ZFP14: variants seen among roughly 807,000 people sequenced by gnomAD.
ZFP14 encodes the protein zinc finger protein 14 homolog.
A neutral mutation model predicts 54.5 loss-of-function variants in ZFP14; 22 were observed. The ratio of observed to expected loss-of-function variants is 0.40; its 90% CI spans 0.29 to 0.58. The LOEUF is 0.58. Ranked by LOEUF, ZFP14 falls within the 20% of genes least tolerant of loss-of-function variation. The pLI is 0.39. For synonymous variants in ZFP14, 159 were observed against 204.0 expected, an observed-to-expected ratio of 0.78 and a Z score of 1.88; for missense variants, 470 against 637.8, an observed-to-expected ratio of 0.74 and a Z score of 2.83.
intron 1 of ZFP14, among the ~76,000 whole-genome samples, chr19:36,374,928 A>G (rs1251265484): frequency 2.0e-5 from 3 of 152,036 alleles, no homozygotes; most frequent in African/African-American, 7.2e-5. Context: ...GTAAAAACAG[A>G]TGCTGTTTTT....
At chr19:36,373,015 C>T (rs1403797407) in intron 1 of ZFP14, among the ~76,000 whole-genome samples, 3 of 152,124 alleles carry the variant, frequency 2.0e-5, no homozygotes, top group Non-Finnish European at 2.9e-5. Flanking sequence ...TGGTGGCTCA[C>T]GCCTGTAATC....
chr19:36,360,748 A>T (rs117106296), intron 3 of ZFP14, among the ~76,000 whole-genome samples: 2,335 of 152,308 alleles, frequency 0.015, 26 homozygotes, highest in Non-Finnish European at 0.024. Context: ...TAAGGCCATT[A>T]TATTAACCAT....
chr19:36,359,144 A>C (rs1469271133), intron 4 of ZFP14, among the ~76,000 whole-genome samples: 2 of 152,202 alleles, frequency 1.3e-5, no homozygotes, highest in African/African-American at 4.8e-5. Context: ...ATTCTGTTAT[A>C]AACAACAGAA....
chr19:36,345,504 T>C (rs1600068160), intron 4 of ZFP14, among the ~76,000 whole-genome samples: 1 of 152,290 alleles, frequency 6.6e-6, no homozygotes, highest in Admixed American at 6.5e-5. Context: ...GGATGTGGGC[T>C]TGAAGATCAT....
At chr19:36,348,714 T>C (rs566949706) in intron 4 of ZFP14, among the ~76,000 whole-genome samples, 149 of 152,258 alleles carry the variant, frequency 9.8e-4, no homozygotes, top group African/African-American at 3.4e-3. Flanking sequence ...CAGGCTGGTC[T>C]TGAACTCCAG....
rs2145539564 is a variant in ZFP14 at position 36,341,756 on chromosome 19, T to TA, written c.236-167dup. On this transcript the variant is annotated intron_variant, in intron 4 of 4. Coordinates refer to ENST00000270001, the MANE Select transcript of ZFP14 (RefSeq NM_020917.3). This position sits in a 1 kb window ranked among gnomAD's most constrained non-coding sequence, Gnocchi z 4.2. The stretch of plus-strand genomic sequence containing the variant: ...AACATAGACATTTCTGCCACAATCT[T>TA]ATATATGTGTACCTAAAAAACCTTA... Among the ~76,000 whole-genome samples the TA allele has an allele frequency of 6.6e-6, 1 of 152,310 alleles. No homozygotes were observed. The highest frequency in any genetic ancestry group is 1.9e-4 in the East Asian group (1 of 5,186).
chr19:36,349,090 G>A (rs1469351639), intron 4 of ZFP14, among the ~76,000 whole-genome samples: 1 of 151,606 alleles, frequency 6.6e-6, no homozygotes, highest in Admixed American at 6.6e-5. Context: ...TTAGCCGGGT[G>A]TAGTGCCACA....
At chr19:36,359,361 T>C (rs529891190) in intron 4 of ZFP14, among the ~76,000 whole-genome samples, 4 of 152,308 alleles carry the variant, frequency 2.6e-5, no homozygotes, top group African/African-American at 9.6e-5. Context: ...ATGAGTTATG[T>C]TGGCCTCATA....
chr19:36,355,237 C>G (rs2031594416), intron 4 of ZFP14, among the ~76,000 whole-genome samples: 1 of 143,342 alleles, frequency 7.0e-6, no homozygotes, highest in African/African-American at 2.6e-5. Flanking sequence ...AAACTGGGTC[C>G]TAAATATGGA....
chr19:36,351,107 C>T (rs1325361568), intron 4 of ZFP14, among the ~76,000 whole-genome samples: 1 of 143,364 alleles, frequency 7.0e-6, no homozygotes, highest in Admixed American at 7.2e-5. Context: ...ATAAGGAGCA[C>T]TGTAAAAGGT....
intron 3 of ZFP14, 150 bp downstream of exon 3, chr19:36,361,962 G>C: frequency 1.2e-6 from 1 of 802,792 alleles, no homozygotes; most frequent in Non-Finnish European, 1.8e-6. Flanking sequence ...TAGCAGACTG[G>C]ACATGATGAA....
intron 4 of ZFP14, among the ~76,000 whole-genome samples, chr19:36,346,671 T>A (rs777302719): frequency 2.0e-5 from 3 of 152,182 alleles, no homozygotes; most frequent in Non-Finnish European, 2.9e-5. Flanking sequence ...TTGGCCAGGA[T>A]GGTCTTGATC....
In ZFP14 at chr19:36,336,396, T is replaced by G. The variant is rs889511074; in HGVS notation, c.*3828A>C. On this transcript the variant is annotated 3_prime_UTR_variant, in exon 5 of 5. Transcript: ENST00000270001. ...CTGGGATTACAGGCATGCACCACCA[T>G]GCCTGGCTAATTTTGTATCTTTAAT... 2.0e-5 allele frequency: 3 copies of G among 151,832 alleles called. No individual in the cohort carries two copies. The highest frequency in any genetic ancestry group is 6.6e-5 in the Admixed American group (1 of 15,226). The allele number at this position is 151,832 out of a possible 1,614,324, so 9.4% of individuals were successfully genotyped here. A position where few individuals can be genotyped will look rare whatever the true frequency, so the allele number is the denominator to read the frequency against.
rs193277208 is a variant in ZFP14 at position 36,374,502 on chromosome 19, A to G, written c.-80+4661T>C. Among the ~76,000 whole-genome samples the G allele has an allele frequency of 8.4e-3, 1,279 of 152,018 alleles. 23 individuals carry two copies. The highest frequency in any genetic ancestry group is 0.029 in the African/African-American group (1,221 of 41,508). ...GAGACTCTGTCTCAAAAAAAAAAAA[A>G]AAAAAGAAAAGAAAAAAGATTATGC... On this transcript the variant is annotated intron_variant, in intron 1 of 4. Coordinates refer to ENST00000270001, the MANE Select transcript of ZFP14 (RefSeq NM_020917.3).
At position 36,336,750 on chromosome 19, in the gene ZFP14, A is replaced by G. The variant is rs1380712359; in HGVS notation, c.*3474T>C. ...TGTCACTGAACAGAACTTTGATTAT[A>G]TCTGACAAGGTTAGATGTGCAGGCA... On this transcript the variant is annotated 3_prime_UTR_variant, in exon 5 of 5. Coordinates refer to ENST00000270001, the MANE Select transcript of ZFP14 (RefSeq NM_020917.3). The G allele has an allele frequency of 6.6e-6, 1 of 152,214 alleles. No homozygotes were observed. Among genetic ancestry groups the G allele is most frequent in the East Asian group, 1.9e-4 (1 of 5,200 alleles). 9.4% of individuals were successfully genotyped at this position (152,214 alleles called of 1,614,324 possible).
At position 36,340,424 on chromosome 19, in the gene ZFP14, T is replaced by C; in HGVS notation, c.1402A>G (p.Thr468Ala). The C allele has an allele frequency of 6.2e-7, 1 of 1,614,058 alleles. No homozygotes were observed. The highest frequency in any genetic ancestry group is 8.5e-7 in the Non-Finnish European group (1 of 1,179,996). The change falls in exon 5 of 5, where the codon ACC becomes GCC. Residue 468 changes from threonine to alanine, a missense_variant. By Grantham distance (58) the Thr-to-Ala change is moderately conservative (BLOSUM62 0). Coordinates refer to ENST00000270001, the MANE Select transcript of ZFP14 (RefSeq NM_020917.3). This position sits in a 1 kb window ranked among gnomAD's most constrained non-coding sequence, Gnocchi z 5.4. ...RKPFRLLSQL[T>A]QHQSIHTGEK... Reference sequence around the variant, plus strand: ...CCAGTGTGAATACTCTGATGTTGGGTAAGTTGTGAGAGCAGTCTAAAAGGT... The same window carrying C: ...CCAGTGTGAATACTCTGATGTTGGGCAAGTTGTGAGAGCAGTCTAAAAGGT...
chr19:36,371,986 TGGAG>T (rs61447686), intron 1 of ZFP14, among the ~76,000 whole-genome samples: 6 of 103,490 alleles, frequency 5.8e-5, no homozygotes, highest in African/African-American at 2.4e-4. Flanking sequence ...GAAGGAGGGA[TGGAG>T]GGAGGGAGGG....
At chr19:36,369,802 A>G (rs2031853063) in intron 1 of ZFP14, among the ~76,000 whole-genome samples, 1 of 135,854 alleles carries the variant, frequency 7.4e-6, no homozygotes, top group Non-Finnish European at 1.7e-5. Context: ...GCAATTCACT[A>G]AAAAAAAGAG....
rs186170126 is a variant in ZFP14, at chr19:36,373,044, G to A, written c.-79-5073C>T. On this transcript the variant is annotated intron_variant, in intron 1 of 4. Coordinates refer to ENST00000270001, the MANE Select transcript of ZFP14 (RefSeq NM_020917.3). Reference sequence around the variant, plus strand: ...TGTAATCCCAGCACTTTGGGAGGCCGAGGCGGGAGGATCACCTGAGGTCGG... The same window carrying A: ...TGTAATCCCAGCACTTTGGGAGGCCAAGGCGGGAGGATCACCTGAGGTCGG... Among the ~76,000 whole-genome samples, 171 of 152,224 alleles carry A rather than the reference G, an allele frequency of 1.1e-3. 1 individual carries two copies. Among genetic ancestry groups the A allele is most frequent in the African/African-American group, 3.7e-3 (155 of 41,544 alleles).
Sources: gnomAD v4.1 joint callset for allele counts (sites outside exome capture counted in the v4.1 genomes callset) on GRCh38, gnomAD v4.1.1 for gene constraint, Gnocchi (gnomAD v3.1) non-coding constraint, MANE v1.5 for transcripts, NCBI Gene and HGNC (gene_info 2026-07-23, HGNC 2026-07-21) for gene names.